The following CHD7 variants were observed in gnomAD, a reference collection of about 807,000 sequenced individuals.
CHD7 encodes ATP-dependent chromatin remodeler CHD7.
Under a neutral mutation model 307.3 loss-of-function variants are expected in CHD7, and 24 were observed. The observed-to-expected ratio is 0.08, with a 90% CI of 0.06 to 0.11. CHD7 has a LOEUF of 0.11. Ranked by LOEUF, CHD7 falls within the 10% of genes least tolerant of loss-of-function variation. The pLI is 1.00. For missense variants in CHD7, 3,106 were observed against 3,727.1 expected (o/e 0.83, Z 4.34); for synonymous variants, 1,363 against 1,349.9 (o/e 1.01, Z -0.21).
chr8:60,848,953 T>G, intron 24 of CHD7, 98 bp from the exon 25 acceptor site: 1 of 958,362 alleles, frequency 1.0e-6, no homozygotes, highest in Non-Finnish European at 1.7e-6. Context: ...CATGCTCAGA[T>G]GTTTATCGTG....
At chr8:60,779,461 G>A (rs1811101583) in intron 2 of CHD7, among the ~76,000 whole-genome samples, 1 of 152,132 alleles carries the variant, frequency 6.6e-6, no homozygotes, top group South Asian at 2.1e-4. Context: ...ACCTGGGGTG[G>A]CCACATCACC....
chr8:60,726,265 A>G (rs1243437279), intron 1 of CHD7, among the ~76,000 whole-genome samples: 2 of 152,224 alleles, frequency 1.3e-5, no homozygotes, highest in Non-Finnish European at 2.9e-5. Context: ...CATATTTCCA[A>G]TTGTGAAGCT....
chr8:60,694,996 G>T (rs563503555), intron 1 of CHD7, among the ~76,000 whole-genome samples: 4 of 152,322 alleles, frequency 2.6e-5, no homozygotes, highest in African/African-American at 9.6e-5. Context: ...CCAACCAGGA[G>T]GTGGTAGAGC....
At chr8:60,795,210 CT>C in intron 4 of CHD7, 83 bp downstream of exon 4, 1 of 1,296,966 alleles carries the variant, frequency 7.7e-7, no homozygotes, top group Admixed American at 2.0e-5. Context: ...AAGACCTCCC[CT>C]ATCTTGTTAT....
At chr8:60,709,318 G>A (rs996766505) in intron 1 of CHD7, among the ~76,000 whole-genome samples, 1 of 152,170 alleles carries the variant, frequency 6.6e-6, no homozygotes, top group East Asian at 1.9e-4. Flanking sequence ...CTGGAACTCA[G>A]CTAAGTTAGA....
chr8:60,785,824 T>A (rs1329142422), intron 3 of CHD7, among the ~76,000 whole-genome samples: 1 of 152,162 alleles, frequency 6.6e-6, no homozygotes, highest in East Asian at 1.9e-4. Context: ...TCCTTTGATT[T>A]TTTTTTTTTG....
At position 60,800,327 on chromosome 8, in the gene CHD7, C is replaced by T. The variant is rs553133016; in HGVS notation, c.2239-61C>T. On this transcript the variant is annotated intron_variant, in intron 4 of 37. Coordinates refer to ENST00000423902, the MANE Select transcript of CHD7 (RefSeq NM_017780.4). ...GATTACAGGCGTGAGCCACTGCGCT[C>T]GGCCACATTTTTCTTTTTAATCATT... is the stretch of plus-strand genomic sequence containing the variant. 236 of 1,556,676 alleles carry T rather than the reference C, an allele frequency of 1.5e-4. 4 individuals carry two copies. In the African/African-American group the frequency reaches 1.7e-3, roughly 11 times the overall value.
At chr8:60,816,527 A>G in intron 8 of CHD7, 26 bp downstream of exon 8, 2 of 1,284,844 alleles carry the variant, frequency 1.6e-6, no homozygotes, top group Non-Finnish European at 2.2e-6. Context: ...TTACTTTTCC[A>G]AAGTATTTAC....
chr8:60,838,072 A>AC lies in CHD7; in HGVS notation c.4354-3dup. 6.7e-7 allele frequency: 1 copy of AC among 1,486,110 alleles called. No homozygotes were observed. Among genetic ancestry groups the AC allele is most frequent in the Non-Finnish European group, 8.9e-7 (1 of 1,117,616 alleles). The allele number at this position is 1,486,110 out of a possible 1,614,324, so 92.1% of individuals were successfully genotyped here. On this transcript the variant is annotated splice_polypyrimidine_tract_variant and splice_region_variant and intron_variant, in intron 18 of 37. Transcript: ENST00000423902. ...TGAGTATTTTAAATATTTCTCTAAAACAGGTACAACAGCTTTCCAAGAAAG... is the reference window on the plus strand; with the variant it reads ...TGAGTATTTTAAATATTTCTCTAAAACCAGGTACAACAGCTTTCCAAGAAAG...
chr8:60,779,342 T>G (rs1329164815), intron 2 of CHD7, among the ~76,000 whole-genome samples: 3 of 152,168 alleles, frequency 2.0e-5, no homozygotes, highest in African/African-American at 7.2e-5. Flanking sequence ...CCTGTGAGCC[T>G]TTCCCAGAAA....
Position 60,714,406 on chromosome 8 carries a change from G to GCCCCCCCCCCCCCCCCCCCCCCCCC in CHD7, c.-174-26832_-174-26831insCCCCCCCCCCCCCCCCCCCCCCCCC, listed in dbSNP as rs71245516. ...CTGACAACATGGCGGCCGGGAGAAG[G>GCCCCCCCCCCCCCCCCCCCCCCCCC]CCCCCCCCCCCCCCCCCCCCCGCCC... On this transcript the variant is annotated intron_variant, in intron 1 of 37. Transcript: ENST00000423902. Among the ~76,000 whole-genome samples the GCCCCCCCCCCCCCCCCCCCCCCCCC allele has an allele frequency of 3.4e-4, 6 of 17,626 alleles. 2 individuals are homozygous for GCCCCCCCCCCCCCCCCCCCCCCCCC. Among genetic ancestry groups the GCCCCCCCCCCCCCCCCCCCCCCCCC allele is most frequent in the Admixed American group, 1.5e-3 (2 of 1,296 alleles). The allele number at this position is 17,626 out of a possible 152,430, so 11.6% of individuals were successfully genotyped here. A position where few individuals can be genotyped will look rare whatever the true frequency, so the allele number is the denominator to read the frequency against.
chr8:60,837,089 C>T, intron 17 of CHD7, 77 bp downstream of exon 17: 1 of 1,161,674 alleles, frequency 8.6e-7, no homozygotes, highest in Non-Finnish European at 1.2e-6. Context: ...ACCAGTCAGA[C>T]CCATAAATTA....
At chr8:60,863,499 T>A (rs1392196977) in intron 37 of CHD7, 1 of 152,218 alleles carries the variant, frequency 6.6e-6, no homozygotes, top group African/African-American at 2.4e-5. Flanking sequence ...TATTTCCTGA[T>A]TTTTGAAACT....
At chr8:60,778,763 T>C (rs1392871270) in intron 2 of CHD7, among the ~76,000 whole-genome samples, 1 of 152,282 alleles carries the variant, frequency 6.6e-6, no homozygotes, top group East Asian at 1.9e-4. Flanking sequence ...GATAGGGCTT[T>C]TTCCTTTTTA....
intron 2 of CHD7, among the ~76,000 whole-genome samples, chr8:60,758,551 T>C (rs1401182736): frequency 6.6e-6 from 1 of 152,250 alleles, no homozygotes; most frequent in Non-Finnish European, 1.5e-5. Flanking sequence ...AGAGCTCATA[T>C]TTTATTATTG....
chr8:60,790,659 A>G (rs866339991), intron 3 of CHD7, among the ~76,000 whole-genome samples: 9 of 152,328 alleles, frequency 5.9e-5, no homozygotes, highest in Non-Finnish European at 2.9e-5. Flanking sequence ...TAACTAGACC[A>G]GTTAACAATT....
At chr8:60,769,483 CCTTATAGTT>C (rs986738083) in intron 2 of CHD7, among the ~76,000 whole-genome samples, 32 of 152,030 alleles carry the variant, frequency 2.1e-4, no homozygotes, top group African/African-American at 7.5e-4. Flanking sequence ...GTACCTCTGC[CCTTATAGTT>C]AGCTAATCAA....
At chr8:60,827,973 G>C (rs1200877357) in intron 13 of CHD7, among the ~76,000 whole-genome samples, 1 of 152,036 alleles carries the variant, frequency 6.6e-6, no homozygotes, top group Admixed American at 6.6e-5. Context: ...TTGTAAAACA[G>C]CTCTTCTGTA....
rs569221979 is a variant in CHD7 at position 60,689,252 on chromosome 8, C to T, written c.-175+10170C>T. On this transcript the variant is annotated intron_variant, in intron 1 of 37. Transcript: ENST00000423902. ...CTATTCTAACTTTACTGCAAGTTTG[C>T]AAATGTATCAATATCAAAAGTTTTA... Among the ~76,000 whole-genome samples the T allele has an allele frequency of 3.3e-5, 5 of 152,284 alleles. No homozygotes were observed. The East Asian group carries it at 7.7e-4, about 23-fold the overall frequency.
Sources: allele counts gnomAD v4.1 joint callset (sites outside exome capture counted in the v4.1 genomes callset), GRCh38; gene constraint gnomAD v4.1.1; transcripts MANE v1.5; gene names NCBI Gene and HGNC (gene_info 2026-07-23, HGNC 2026-07-21).